The following ABI2 variants were observed in gnomAD, a reference collection of about 807,000 sequenced individuals.
ABI2 encodes the protein abl interactor 2.
ABI2 carries 25 observed loss-of-function variants against 59.2 expected under a neutral mutation model. That is an observed-to-expected ratio of 0.42 (90% CI 0.31 to 0.59). The LOEUF (loss-of-function observed/expected upper bound fraction) is 0.59. Ranked by LOEUF, ABI2 falls within the 20% of genes least tolerant of loss-of-function variation. The pLI, the probability that ABI2 is intolerant of heterozygous loss-of-function variation, is 0.14. For missense variants in ABI2, 545 were observed against 681.8 expected (o/e 0.80, Z 2.23); for synonymous variants, 213 against 235.5 (o/e 0.90, Z 0.87).
At chr2:203,334,592 A>G (rs1298901597) in intron 1 of ABI2, among the ~76,000 whole-genome samples, 2 of 152,108 alleles carry the variant, frequency 1.3e-5, no homozygotes, top group Non-Finnish European at 2.9e-5. Flanking sequence ...AAAACAATAG[A>G]GAAGACAAAG....
intron 2 of ABI2, chr2:203,374,756 AT>A: frequency 2.4e-6 from 1 of 425,260 alleles, no homozygotes; most frequent in Non-Finnish European, 4.9e-6. Flanking sequence ...AATAAAAAAA[AT>A]TGAGACATAT....
In ABI2 at chr2:203,429,863, A is replaced by T. The variant is rs534029310; in HGVS notation, c.*2511A>T. ...AGCAGGAATGCAGCTGGTCTTTTGG[A>T]CCCCTACGGGATGGGGGCAGTGCAG... is the stretch of plus-strand genomic sequence containing the variant. On this transcript the variant is annotated 3_prime_UTR_variant, in exon 12 of 12. Transcript: ENST00000261018. 2 of 152,106 alleles carry T rather than the reference A, an allele frequency of 1.3e-5. No homozygotes were observed. Among genetic ancestry groups the T allele is most frequent in the South Asian group, 4.2e-4 (2 of 4,800 alleles). 9.4% of individuals were successfully genotyped at this position (152,106 alleles called of 1,614,324 possible). A position where few individuals can be genotyped will look rare whatever the true frequency, so the allele number is the denominator to read the frequency against.
intron 1 of ABI2, among the ~76,000 whole-genome samples, chr2:203,330,490 C>G (rs796726581): frequency 6.6e-6 from 1 of 151,676 alleles, no homozygotes; most frequent in South Asian, 2.1e-4. Context: ...TGGTACATAC[C>G]TAGTAGGAGA....
At chr2:203,338,964 A>G (rs1367666824) in intron 1 of ABI2, among the ~76,000 whole-genome samples, 2 of 5,458 alleles carry the variant, frequency 3.7e-4, no homozygotes, top group African/African-American at 5.7e-4. Flanking sequence ...ATATATATAA[A>G]TATATATATA....
At chr2:203,381,303 G>A (rs568613900) in intron 3 of ABI2, among the ~76,000 whole-genome samples, 2 of 152,228 alleles carry the variant, frequency 1.3e-5, no homozygotes, top group South Asian at 4.1e-4. Context: ...TTGAGACAGG[G>A]TCTCACTCTG....
At chr2:203,398,661 C>T (rs771106761) in intron 8 of ABI2, among the ~76,000 whole-genome samples, 6 of 152,164 alleles carry the variant, frequency 3.9e-5, no homozygotes, top group Non-Finnish European at 5.9e-5. Context: ...AGTTACAGAA[C>T]AGTCCTATCA....
Position 203,344,046 on chromosome 2 carries a change from T to C in ABI2, c.117+15415T>C, listed in dbSNP as rs766933151. The stretch of plus-strand genomic sequence containing the variant: ...TAGTTGGGAGGCTGAGGTGGGAGGA[T>C]TGCTTGAGCTCAGGGTTGGAGGCTG... On this transcript the variant is annotated intron_variant, in intron 1 of 11. Coordinates refer to ENST00000261018, the MANE Select transcript of ABI2 (RefSeq NM_001375670.1). Among the ~76,000 whole-genome samples the C allele has an allele frequency of 5.3e-5, 8 of 152,318 alleles. No individual in the cohort carries two copies. The South Asian group carries it at 6.2e-4, about 12-fold the overall frequency.
At chr2:203,359,958 G>A (rs530807501) in intron 1 of ABI2, among the ~76,000 whole-genome samples, 7 of 151,888 alleles carry the variant, frequency 4.6e-5, no homozygotes, top group African/African-American at 7.3e-5. Context: ...AGGCTGAGGC[G>A]GGTGGATCAT....
chr2:203,396,760 G>T, intron 7 of ABI2, 25 bp from the exon 8 acceptor site: 2 of 1,504,264 alleles, frequency 1.3e-6, no homozygotes, highest in South Asian at 1.3e-5. Context: ...CATTAATGCT[G>T]CCTCTTACTC....
chr2:203,403,742 G>GTTTTTTTTTTTTTTT (rs56123341), intron 9 of ABI2, among the ~76,000 whole-genome samples: 24 of 95,254 alleles, frequency 2.5e-4, no homozygotes, highest in South Asian at 4.5e-4. Context: ...CTTTCTTTCT[G>GTTTTTTTTTTTTTTT]TTTTTTTTTT....
At chr2:203,424,458 G>A (rs776488458) in intron 11 of ABI2, among the ~76,000 whole-genome samples, 7 of 152,074 alleles carry the variant, frequency 4.6e-5, no homozygotes, top group East Asian at 1.9e-4. Flanking sequence ...GCAGTGGTAC[G>A]TTCAGTGCTT....
intron 6 of ABI2, among the ~76,000 whole-genome samples, chr2:203,395,300 A>G (rs577368309): frequency 6.6e-6 from 1 of 152,054 alleles, no homozygotes; most frequent in East Asian, 1.9e-4. Flanking sequence ...CTGGAATATA[A>G]AAAGGCAATA....
chr2:203,422,696 G>A (rs1015325438), intron 11 of ABI2, among the ~76,000 whole-genome samples: 4 of 152,148 alleles, frequency 2.6e-5, no homozygotes, highest in South Asian at 2.1e-4. Flanking sequence ...TAGAAGGCCA[G>A]TTTTTTTCAA....
chr2:203,372,266 A>T (rs915221985), intron 2 of ABI2, among the ~76,000 whole-genome samples: 6 of 152,162 alleles, frequency 3.9e-5, no homozygotes, highest in African/African-American at 1.4e-4. Flanking sequence ...GATCAACAGG[A>T]TCCCAAGGCA....
chr2:203,358,802 G>C (rs1375145681), intron 1 of ABI2, among the ~76,000 whole-genome samples: 1 of 152,170 alleles, frequency 6.6e-6, no homozygotes, highest in African/African-American at 2.4e-5. Context: ...TTAAATCCAT[G>C]AGTTTGAGAC....
chr2:203,373,181 C>A (rs2095417551), intron 2 of ABI2, among the ~76,000 whole-genome samples: 1 of 152,178 alleles, frequency 6.6e-6, no homozygotes, highest in African/African-American at 2.4e-5. Flanking sequence ...CCATTGAGCA[C>A]TGAGTGAACC....
At chr2:203,410,981 TTA>T (rs1367865919) in intron 9 of ABI2, among the ~76,000 whole-genome samples, 5 of 149,864 alleles carry the variant, frequency 3.3e-5, no homozygotes, top group Non-Finnish European at 7.4e-5. Flanking sequence ...AACATGATTG[TTA>T]TATATAAAAA....
intron 1 of ABI2, among the ~76,000 whole-genome samples, chr2:203,336,205 G>C (rs1281563371): frequency 6.6e-6 from 1 of 152,168 alleles, no homozygotes; most frequent in Non-Finnish European, 1.5e-5. Flanking sequence ...TTCACCAACT[G>C]ATGGATTTCT....
At chr2:203,343,002 G>A (rs1046108953) in intron 1 of ABI2, among the ~76,000 whole-genome samples, 3 of 152,018 alleles carry the variant, frequency 2.0e-5, no homozygotes, top group Non-Finnish European at 4.4e-5. Context: ...AGTCTATACC[G>A]TTAACAAAAG....
Sources: allele counts gnomAD v4.1 joint callset (sites outside exome capture counted in the v4.1 genomes callset), GRCh38; gene constraint gnomAD v4.1.1; transcripts MANE v1.5; gene names NCBI Gene and HGNC (gene_info 2026-07-23, HGNC 2026-07-21).